AHNAK: variants seen among roughly 807,000 people sequenced by gnomAD.
AHNAK encodes the protein AHNAK nucleoprotein.
AHNAK carries 23 observed loss-of-function variants against 37.8 expected under a neutral mutation model. The observed-to-expected ratio is 0.61, with a 90% CI of 0.44 to 0.86. AHNAK has a LOEUF of 0.86. Ranked by LOEUF, AHNAK falls within the 40% of genes least tolerant of loss-of-function variation. The pLI is 0.00. For synonymous variants in AHNAK, 2,481 were observed against 2,636.3 expected, an observed-to-expected ratio of 0.94 and a Z score of 1.80; for missense variants, 7,411 against 7,319.4, an observed-to-expected ratio of 1.01 and a Z score of -0.46.
intron 5 of AHNAK, among the ~76,000 whole-genome samples, chr11:62,464,199 C>G (rs192992186): frequency 6.6e-6 from 1 of 151,716 alleles, no homozygotes; most frequent in African/African-American, 2.4e-5. Flanking sequence ...TGCTAATCTG[C>G]TAATCTGCTA....
intron 1 of AHNAK, among the ~76,000 whole-genome samples, chr11:62,537,831 C>T (rs1210004514): frequency 5.3e-5 from 8 of 151,968 alleles, no homozygotes; most frequent in Admixed American, 3.3e-4. Flanking sequence ...TACAGGCGCC[C>T]GCCACCATGC....
In AHNAK at chr11:62,517,980, ACCT is replaced by A; in HGVS notation, c.16434_16436del (p.Gly5479del). 1 of 1,614,028 alleles carries A rather than the reference ACCT, an allele frequency of 6.2e-7. No homozygotes were observed. The highest frequency in any genetic ancestry group is 8.5e-7 in the Non-Finnish European group (1 of 1,179,992). On this transcript the variant is annotated inframe_deletion, in exon 5 of 5. Coordinates refer to ENST00000378024, the MANE Select transcript of AHNAK (RefSeq NM_001620.3). ...GGCCTTGAACACCAATGCCTGGAAG[ACCT>A]CCTCCGACAGTGGGGCCTTTGATCT...
Position 62,532,091 on chromosome 11 carries a change from C to T in AHNAK, c.2326G>A (p.Ala776Thr). Residue 776 changes from alanine to threonine, a missense_variant, in exon 5 of 5, where the codon GCT (alanine) becomes ACT (threonine). By Grantham distance (58) the Ala-to-Thr change is moderately conservative. Transcript: ENST00000378024. Reference protein sequence around the residue: ...GPEVDVNLPKADVDISGPKID... With the variant: ...GPEVDVNLPKTDVDISGPKID... ...TTGGGCCCGGAAATGTCCACATCAGCCTTGGGCAGGTTCACATCCACTTCT... is the reference window on the plus strand; with the variant it reads ...TTGGGCCCGGAAATGTCCACATCAGTCTTGGGCAGGTTCACATCCACTTCT... 10 of 1,613,324 alleles carry T rather than the reference C, an allele frequency of 6.2e-6. No homozygotes were observed. Among genetic ancestry groups the T allele is most frequent in the Non-Finnish European group, 8.5e-6 (10 of 1,179,880 alleles).
chr11:62,544,453 C>A (rs947589946), intron 1 of AHNAK, among the ~76,000 whole-genome samples: 1 of 152,138 alleles, frequency 6.6e-6, no homozygotes, highest in South Asian at 2.1e-4. Flanking sequence ...TGTGCATAAC[C>A]TCTTAGGGAC....
In AHNAK at chr11:62,524,101, T is replaced by C. The variant is rs758395018; in HGVS notation, c.10316A>G (p.Asn3439Ser). 3 of 1,614,140 alleles carry C rather than the reference T, an allele frequency of 1.9e-6. No individual in the cohort carries two copies. Among genetic ancestry groups the C allele is most frequent in the African/African-American group, 2.7e-5 (2 of 75,034 alleles). The change falls in exon 5 of 5, where the codon AAT becomes AGT. Residue 3439 changes from asparagine (N) to serine (S), a missense_variant. By Grantham distance (46) the Asn-to-Ser change is conservative (BLOSUM62 1). Transcript: ENST00000378024. ...GGGGCCTTTAAAGTCACCTTCTAAA[T>C]TGGGACCTGCAATATCTAAGTCTCC... ...VKGDLDIAGP[N>S]LEGDFKGPKV...
At chr11:62,472,176 C>T (rs1939049513) in intron 5 of AHNAK, among the ~76,000 whole-genome samples, 1 of 152,080 alleles carries the variant, frequency 6.6e-6, no homozygotes, top group Admixed American at 6.6e-5. Context: ...CATGCCGTCA[C>T]ACCACCTGCC....
At chr11:62,440,666 C>T (rs558524847) in intron 5 of AHNAK, among the ~76,000 whole-genome samples, 3 of 152,228 alleles carry the variant, frequency 2.0e-5, no homozygotes, top group Non-Finnish European at 4.4e-5. Flanking sequence ...CCTGGCCACA[C>T]CTGACCAAAT....
rs183783741 is a variant in AHNAK, at chr11:62,527,603, C to T, written c.6814G>A (p.Val2272Ile). 4.0e-4 allele frequency: 646 copies of T among 1,613,880 alleles called. 4 individuals are homozygous for T. In the East Asian group the frequency reaches 9.6e-3, roughly 24 times the overall value. ...EVDVNLPKAD[V>I]DVSGPKVDVE... ...TCCACCTTGGGTCCTGAGACATCAA[C>T]GTCAGCCTTGGGCAAGTTCACATCC... The change falls in exon 5 of 5, where the codon GTT becomes ATT. Residue 2272 changes from valine (V) to isoleucine (I), a missense_variant. Coordinates refer to ENST00000378024, the MANE Select transcript of AHNAK (RefSeq NM_001620.3).
intron 5 of AHNAK, among the ~76,000 whole-genome samples, chr11:62,479,148 T>G (rs1283146871): frequency 7.1e-6 from 1 of 141,514 alleles, no homozygotes; most frequent in Non-Finnish European, 1.5e-5. Flanking sequence ...TTGCTTTCTT[T>G]TCTTTTTTTT....
chr11:62,526,570 T>C lies in AHNAK; in HGVS notation c.7847A>G (p.Lys2616Arg), dbSNP rs1341070171. The C allele has an allele frequency of 2.5e-5, 41 of 1,612,966 alleles. No homozygotes were observed. Among genetic ancestry groups the C allele is most frequent in the East Asian group, 4.5e-5 (2 of 44,800 alleles). The change falls in exon 5 of 5, where the codon AAG becomes AGG. Residue 2616 changes from lysine to arginine, a missense_variant. Coordinates refer to ENST00000378024, the MANE Select transcript of AHNAK (RefSeq NM_001620.3). ...GDLKGPEVDIKGPKVDINAPD... is the reference protein window; with the variant it reads ...GDLKGPEVDIRGPKVDINAPD... The stretch of plus-strand genomic sequence containing the variant: ...GGCATTAATATCCACTTTGGGCCCC[T>C]TGATGTCAACTTCGGGGCCCTTGAG...
intron 4 of AHNAK, among the ~76,000 whole-genome samples, chr11:62,495,728 AC>A (rs1318112539): frequency 9.1e-5 from 12 of 132,512 alleles, no homozygotes; most frequent in South Asian, 4.9e-4. Context: ...ACAGAGCGAG[AC>A]TCCGTCTCAA....
At chr11:62,474,649 A>G (rs1939107074) in intron 5 of AHNAK, among the ~76,000 whole-genome samples, 1 of 152,218 alleles carries the variant, frequency 6.6e-6, no homozygotes, top group Non-Finnish European at 1.5e-5. Context: ...CCTCACAAGG[A>G]TCTTGTGAGA....
At position 62,530,772 on chromosome 11, in the gene AHNAK, C is replaced by T; in HGVS notation, c.3645G>A (p.Val1215=). ...TTTCACCTTCTACCTTGGGCACAGA[C>T]ACATCCACATCCCCTTTGACTTTGG... is the stretch of plus-strand genomic sequence containing the variant. ...KGPKVKGDVD[V]SVPKVEGEMK... Residue 1215 remains valine (V), a synonymous_variant, in exon 5 of 5, where the codon GTG becomes GTA. Coordinates refer to ENST00000378024, the MANE Select transcript of AHNAK (RefSeq NM_001620.3). 2 of 1,613,758 alleles carry T rather than the reference C, an allele frequency of 1.2e-6. No individual in the cohort carries two copies. Among genetic ancestry groups the T allele is most frequent in the Non-Finnish European group, 1.7e-6 (2 of 1,179,978 alleles).
In AHNAK at chr11:62,516,938, C is replaced by T; in HGVS notation, c.17479G>A (p.Gly5827Arg). Residue 5827 changes from glycine (G) to arginine (R), a missense_variant, in exon 5 of 5, where the codon GGA becomes AGA. By Grantham distance (125) the Gly-to-Arg change is moderately radical (BLOSUM62 -2). Transcript: ENST00000378024. ...TGACCTTTGCTCTTTGACCCCAATCCACCAAAGGTACCGAATTTCAGCTTC... is the reference window on the plus strand; with the variant it reads ...TGACCTTTGCTCTTTGACCCCAATCTACCAAAGGTACCGAATTTCAGCTTC... ...HGKLKFGTFG[G>R]LGSKSKGHYE... 3 of 1,613,954 alleles carry T rather than the reference C, an allele frequency of 1.9e-6. No homozygotes were observed. The South Asian group carries it at 3.3e-5, about 18-fold the overall frequency.
At position 62,521,418 on chromosome 11, in the gene AHNAK, G is replaced by A. The variant is rs1170139468; in HGVS notation, c.12999C>T (p.Gly4333=). The A allele has an allele frequency of 1.2e-6, 2 of 1,613,718 alleles. No homozygotes were observed. The highest frequency in any genetic ancestry group is 1.1e-5 in the South Asian group (1 of 91,062). Residue 4333 remains glycine (G), a synonymous_variant, in exon 5 of 5, where the codon GGC becomes GGT. Transcript: ENST00000378024. ...TAGGAAGGGTAACATCCACATCTGG[G>A]CCCTCTCCTTTGAATCCTGGCATGC... ...KFSMPGFKGE[G]PDVDVTLPKA...
chr11:62,496,892 GGAAA>G (rs68100036), intron 4 of AHNAK, among the ~76,000 whole-genome samples: 21,804 of 150,950 alleles, frequency 0.14, 3,821 homozygotes, highest in African/African-American at 0.42. Context: ...AAGGAAGGAA[GGAAA>G]GAAAGAAAGA....
At chr11:62,448,873 T>G (rs1938474735) in intron 5 of AHNAK, among the ~76,000 whole-genome samples, 1 of 152,062 alleles carries the variant, frequency 6.6e-6, no homozygotes, top group Non-Finnish European at 1.5e-5. Context: ...ATAGAGACCA[T>G]CCTGGCTAAC....
intron 5 of AHNAK, among the ~76,000 whole-genome samples, chr11:62,449,054 C>T (rs1227767648): frequency 3.9e-5 from 6 of 151,924 alleles, no homozygotes; most frequent in African/African-American, 9.7e-5. Flanking sequence ...GGTGACAGAG[C>T]GAGACTCTGT....
rs564690447 is a variant in AHNAK, at chr11:62,436,764, G to A, written c.443-2873C>T. On this transcript the variant is annotated intron_variant, in intron 5 of 5. Coordinates refer to the AHNAK transcript ENST00000257247. ...ATCCTGGCTAACACGGTGAAACCCA[G>A]TCTCTACCAAAAATACAAAAAAAAA... Among the ~76,000 whole-genome samples the A allele has an allele frequency of 7.6e-4, 116 of 151,844 alleles. 3 individuals carry two copies. The highest frequency in any genetic ancestry group is 3.5e-3 in the East Asian group (18 of 5,156).
Sources: gnomAD v4.1 joint callset for allele counts (sites outside exome capture counted in the v4.1 genomes callset) on GRCh38, gnomAD v4.1.1 for gene constraint, MANE v1.5 for transcripts, NCBI Gene and HGNC (gene_info 2026-07-23, HGNC 2026-07-21) for gene names.